The following NBR1 variants were observed in gnomAD, a reference collection of about 807,000 sequenced individuals.
The protein encoded by NBR1 is NBR1 autophagy cargo receptor.
NBR1 carries 59 observed loss-of-function variants against 115.5 expected under a neutral mutation model. That is an observed-to-expected ratio of 0.51 (90% CI 0.41 to 0.63). NBR1 has a LOEUF of 0.63. Among genes scored for constraint, NBR1 ranks in the 30% least tolerant of loss-of-function variants. The probability of loss-of-function intolerance (pLI) is 0.00; values close to 1 mark genes in which losing one functional copy is unlikely to be tolerated. For missense variants in NBR1, 1,043 were observed against 1,150.5 expected (o/e 0.91, Z 1.35); for synonymous variants, 373 against 414.7 (o/e 0.90, Z 1.22).
At chr17:43,205,629 C>G (rs1290926803) in intron 20 of NBR1, among the ~76,000 whole-genome samples, 1 of 152,042 alleles carries the variant, frequency 6.6e-6, no homozygotes, top group Non-Finnish European at 1.5e-5. Context: ...GTAATCCCAA[C>G]AGGTTGGGAG....
chr17:43,180,699 T>A, intron 4 of NBR1, 96 bp from the exon 5 acceptor site: 1 of 1,247,422 alleles, frequency 8.0e-7, no homozygotes, highest in Non-Finnish European at 1.0e-6. Flanking sequence ...CTTGAATGAA[T>A]GAATGGATGT....
intron 5 of NBR1, among the ~76,000 whole-genome samples, chr17:43,182,130 T>C (rs956563888): frequency 2.7e-5 from 4 of 150,384 alleles, no homozygotes; most frequent in Admixed American, 2.7e-4. Flanking sequence ...GCTGGGACTA[T>C]GGGTGTGCAC....
At chr17:43,178,647 G>T (rs903210936) in intron 3 of NBR1, among the ~76,000 whole-genome samples, 2 of 152,008 alleles carry the variant, frequency 1.3e-5, no homozygotes, top group African/African-American at 4.8e-5. Flanking sequence ...AAAGTGCTGG[G>T]ATTACAGTTG....
At chr17:43,188,907 C>G in intron 6 of NBR1, 135 bp from the exon 7 acceptor site, 1 of 637,622 alleles carries the variant, frequency 1.6e-6, no homozygotes, top group Non-Finnish European at 2.8e-6. Flanking sequence ...TTTAGTACGC[C>G]TTCATACTGT....
At position 43,194,472 on chromosome 17, in the gene NBR1, C is replaced by G; in HGVS notation, c.1647C>G (p.Ile549Met). The change falls in exon 13 of 21, where the codon ATC (isoleucine) becomes ATG (methionine). Residue 549 changes from isoleucine (I) to methionine (M), a missense_variant. Ile to Met is a conservative substitution (Grantham distance 10). Transcript: ENST00000590996. ...KNVASERELY[I>M]PSVDLLTAQD... Reference sequence around the variant, plus strand: ...TTGCCAGTGAGAGGGAGCTCTACATCCCATCTGTGGATCTTCTGACTGCCC... The same window carrying G: ...TTGCCAGTGAGAGGGAGCTCTACATGCCATCTGTGGATCTTCTGACTGCCC... 1 of 1,614,008 alleles carries G rather than the reference C, an allele frequency of 6.2e-7. No homozygotes were observed. The highest frequency in any genetic ancestry group is 8.5e-7 in the Non-Finnish European group (1 of 1,179,880).
Position 43,196,495 on chromosome 17 carries a change from A to T in NBR1, c.1765A>T (p.Met589Leu), listed in dbSNP as rs1295360776. 6.3e-7 allele frequency: 1 copy of T among 1,584,718 alleles called. No homozygotes were observed. Among genetic ancestry groups the T allele is most frequent in the Non-Finnish European group, 8.5e-7 (1 of 1,170,262 alleles). ...TCATTCTCCAGATGTGACTCCCTGC[A>T]TGTCTCCTCTGCCACATGACAGTCC... is the stretch of plus-strand genomic sequence containing the variant. ...HNTPVDVTPC[M>L]SPLPHDSPLI... The change falls in exon 15 of 21, where the codon ATG becomes TTG. Residue 589 changes from methionine to leucine, a missense_variant. By Grantham distance (15) the Met-to-Leu change is conservative (BLOSUM62 2). Transcript: ENST00000590996.
At chr17:43,204,089 C>A (rs144602779) in intron 20 of NBR1, among the ~76,000 whole-genome samples, 6,759 of 152,084 alleles carry the variant, frequency 0.044, 531 homozygotes, top group African/African-American at 0.15. Flanking sequence ...AGGCGCCTGC[C>A]ACTACACCCG....
At chr17:43,176,938 T>A (rs1319072262) in intron 2 of NBR1, among the ~76,000 whole-genome samples, 1 of 152,100 alleles carries the variant, frequency 6.6e-6, no homozygotes, top group Non-Finnish European at 1.5e-5. Flanking sequence ...TACTTTAAAT[T>A]TTCCATGTTC....
intron 19 of NBR1, 104 bp from the exon 20 acceptor site, chr17:43,203,577 T>A (rs541149882): frequency 1.5e-6 from 1 of 663,006 alleles, no homozygotes; most frequent in Non-Finnish European, 2.6e-6. Flanking sequence ...CATCTAATTT[T>A]TTCTCTTAAG....
At chr17:43,195,517 G>A (rs1178336668) in intron 14 of NBR1, 1 of 181,512 alleles carries the variant, frequency 5.5e-6, no homozygotes, top group Non-Finnish European at 1.1e-5. Flanking sequence ...TGGGCATGGT[G>A]GCACATGCCT....
chr17:43,177,459 A>G (rs2056546279), intron 2 of NBR1, among the ~76,000 whole-genome samples: 1 of 151,918 alleles, frequency 6.6e-6, no homozygotes, highest in African/African-American at 2.4e-5. Context: ...AATGCTTTGC[A>G]GAACAATTGT....
In NBR1 at chr17:43,180,832, A is replaced by G. The variant is rs554064457; in HGVS notation, c.207+15A>G. ...AAGCGCTTAAGGTAATGATTATTTA[A>G]TCTCATTTTTAAATAATTTAAAAAA... On this transcript the variant is annotated intron_variant, in intron 5 of 20. Transcript: ENST00000590996. The G allele has an allele frequency of 2.1e-6, 3 of 1,422,580 alleles. No individual in the cohort carries two copies. The highest frequency in any genetic ancestry group is 1.5e-5 in the South Asian group (1 of 67,198). The allele number at this position is 1,422,580 out of a possible 1,614,324, so 88.1% of individuals were successfully genotyped here. A position where few individuals can be genotyped will look rare whatever the true frequency, so the allele number is the denominator to read the frequency against.
At chr17:43,170,949 T>G (rs980035859), upstream of NBR1, 2 of 152,252 alleles carry the variant, frequency 1.3e-5, no homozygotes, top group African/African-American at 4.8e-5. Flanking sequence ...CTAAGGTCAG[T>G]GGCCTGCGGG....
intron 6 of NBR1, among the ~76,000 whole-genome samples, chr17:43,186,647 C>T (rs1250535336): frequency 6.6e-6 from 1 of 152,104 alleles, no homozygotes; most frequent in East Asian, 1.9e-4. Flanking sequence ...TTAGGTATTT[C>T]TCCTAATGCT....
Position 43,175,812 on chromosome 17 carries a change from G to T in NBR1, c.13G>T (p.Val5Phe), listed in dbSNP as rs1385101120. ...CTAGCCTCACAGCATGGAACCACAGGTTACTCTAAATGTGACTTTTAAAAA... is the reference window on the plus strand; with the variant it reads ...CTAGCCTCACAGCATGGAACCACAGTTTACTCTAAATGTGACTTTTAAAAA... MEPQ[V>F]TLNVTFKNEI... The change falls in exon 2 of 21, where the codon GTT (valine) becomes TTT (phenylalanine). Residue 5 changes from valine to phenylalanine, a missense_variant. By Grantham distance (50) the Val-to-Phe change is conservative. Transcript: ENST00000590996. 1 of 1,588,072 alleles carries T rather than the reference G, an allele frequency of 6.3e-7. No homozygotes were observed. The highest frequency in any genetic ancestry group is 1.7e-4 in the Middle Eastern group (1 of 6,014).
chr17:43,194,946 C>G lies in NBR1; in HGVS notation c.1675-18C>G. 1.2e-6 allele frequency: 2 copies of G among 1,609,740 alleles called. No homozygotes were observed. The highest frequency in any genetic ancestry group is 1.7e-6 in the Non-Finnish European group (2 of 1,176,616). On this transcript the variant is annotated intron_variant, in intron 13 of 20. Coordinates refer to ENST00000590996, the MANE Select transcript of NBR1 (RefSeq NM_005899.5). ...CCAGCATGCACTCCAAACAGCCTAACATTGTCTTTTTTTATAGGACCTGCT... is the reference window on the plus strand; with the variant it reads ...CCAGCATGCACTCCAAACAGCCTAAGATTGTCTTTTTTTATAGGACCTGCT...
intron 5 of NBR1, among the ~76,000 whole-genome samples, chr17:43,181,528 C>T (rs948006797): frequency 6.5e-5 from 2 of 30,706 alleles, no homozygotes; most frequent in South Asian, 7.7e-3. Flanking sequence ...AACAGCCGGG[C>T]GTGGGCGGGT....
At chr17:43,173,842 C>T (rs1260026575) in intron 1 of NBR1, among the ~76,000 whole-genome samples, 1 of 149,730 alleles carries the variant, frequency 6.7e-6, no homozygotes, top group African/African-American at 2.5e-5. Flanking sequence ...CCCACCCCCA[C>T]CCCCGCAGAC....
Position 43,210,253 on chromosome 17 carries a change from C to G in NBR1, c.*179C>G, listed in dbSNP as rs748620. 0.33 allele frequency: 153,174 copies of G among 461,992 alleles called. 26,033 individuals are homozygous for G. Among genetic ancestry groups the G allele is most frequent in the South Asian group, 0.51 (5,477 of 10,824 alleles). 28.6% of individuals were successfully genotyped at this position (461,992 alleles called of 1,614,324 possible). Reference sequence around the variant, plus strand: ...TTGGGGAGCAAACTAAAGACCAGAACTTAAATTTTCACTTTAGACATTGGA... The same window carrying G: ...TTGGGGAGCAAACTAAAGACCAGAAGTTAAATTTTCACTTTAGACATTGGA... On this transcript the variant is annotated 3_prime_UTR_variant, in exon 21 of 21. Transcript: ENST00000590996.
Sources: allele counts gnomAD v4.1 joint callset (sites outside exome capture counted in the v4.1 genomes callset), GRCh38; gene constraint gnomAD v4.1.1; transcripts MANE v1.5; gene names NCBI Gene and HGNC (gene_info 2026-07-23, HGNC 2026-07-21).